GALNT13: variants seen among roughly 807,000 people sequenced by gnomAD.
GALNT13 encodes polypeptide N-acetylgalactosaminyltransferase 13, also known as UDP-GalNAc:polypeptide N-acetylgalactosaminyltransferase 13.
In GALNT13, 28 loss-of-function variants were observed where a neutral mutation model predicts 64.2. The observed-to-expected ratio is 0.44, with a 90% CI of 0.32 to 0.60. The LOEUF is 0.60. GALNT13 is among the 20% of genes least tolerant of loss of function. The pLI, the probability that GALNT13 is intolerant of heterozygous loss-of-function variation, is 0.05. For synonymous variants in GALNT13, 214 were observed against 224.6 expected, an observed-to-expected ratio of 0.95 and a Z score of 0.42; for missense variants, 577 against 669.8, an observed-to-expected ratio of 0.86 and a Z score of 1.53.
chr2:153,723,661 C>G, the GALNT13 span, among the ~76,000 whole-genome samples: 4 of 152,004 alleles, frequency 2.6e-5, no homozygotes, highest in African/African-American at 9.7e-5. Context: ...ACACCAACAA[C>G]AAACAAACAG....
the GALNT13 span, among the ~76,000 whole-genome samples, chr2:153,300,804 T>A: frequency 9.2e-5 from 14 of 152,282 alleles, no homozygotes; most frequent in South Asian, 2.9e-3. Flanking sequence ...GAAAGAGATA[T>A]TGTGCTTGAA....
chr2:153,094,402 G>C, the GALNT13 span, among the ~76,000 whole-genome samples: 1 of 152,130 alleles, frequency 6.6e-6, no homozygotes, highest in Non-Finnish European at 1.5e-5. Flanking sequence ...ACAAACAAAT[G>C]GAAGAACATT....
At chr2:154,383,457 C>T (rs1698370766) in intron 9 of GALNT13, among the ~76,000 whole-genome samples, 2 of 151,876 alleles carry the variant, frequency 1.3e-5, no homozygotes. Context: ...ATTGACTATT[C>T]ATAGTTATTT....
chr2:153,355,051 T>C, the GALNT13 span, among the ~76,000 whole-genome samples: 1 of 152,172 alleles, frequency 6.6e-6, no homozygotes, highest in African/African-American at 2.4e-5. Flanking sequence ...GTGCATTCTC[T>C]AGAGAAGAAT....
At chr2:153,630,762 CATATATATATATATATAT>C in the GALNT13 span, among the ~76,000 whole-genome samples, 9 of 32,136 alleles carry the variant, frequency 2.8e-4, no homozygotes, top group African/African-American at 6.0e-4. Context: ...TTTTAGGCTT[CATATATATATATATATAT>C]ATATATATAT....
the GALNT13 span, among the ~76,000 whole-genome samples, chr2:153,636,647 C>T: frequency 6.6e-6 from 1 of 152,080 alleles, no homozygotes; most frequent in Non-Finnish European, 1.5e-5. Flanking sequence ...CATCAATCAT[C>T]AAAATAGTGC....
At chr2:154,025,714 A>G (rs1023932676) in intron 3 of GALNT13, among the ~76,000 whole-genome samples, 1 of 152,216 alleles carries the variant, frequency 6.6e-6, no homozygotes, top group Non-Finnish European at 1.5e-5. Context: ...AAACATTTTG[A>G]CACAACTAAC....
chr2:153,895,878 G>T (rs1465255244), intron 1 of GALNT13, among the ~76,000 whole-genome samples: 1 of 151,340 alleles, frequency 6.6e-6, no homozygotes, highest in African/African-American at 2.4e-5. Flanking sequence ...CAGAAAATAA[G>T]TAAATGATGG....
chr2:153,596,766 C>G, the GALNT13 span, among the ~76,000 whole-genome samples: 1 of 151,792 alleles, frequency 6.6e-6, no homozygotes, highest in African/African-American at 2.4e-5. Flanking sequence ...AACATATATA[C>G]ACATATGTAT....
chr2:153,549,710 C>T, the GALNT13 span, among the ~76,000 whole-genome samples: 1 of 152,058 alleles, frequency 6.6e-6, no homozygotes, highest in Non-Finnish European at 1.5e-5. Context: ...CCCATGGGCT[C>T]CTGAGAAAAT....
At chr2:153,364,684 T>G in the GALNT13 span, among the ~76,000 whole-genome samples, 2 of 152,008 alleles carry the variant, frequency 1.3e-5, no homozygotes, top group African/African-American at 4.8e-5. Flanking sequence ...AAAAGAGACA[T>G]GAAGGACCTC....
At chr2:153,382,582 G>A in the GALNT13 span, among the ~76,000 whole-genome samples, 1 of 151,828 alleles carries the variant, frequency 6.6e-6, no homozygotes, top group East Asian at 1.9e-4. Context: ...CTATTAATGG[G>A]CACCTAGATT....
In GALNT13 at chr2:154,424,034, T is replaced by A. The variant is rs886614684; in HGVS notation, c.1396-14558T>A. On this transcript the variant is annotated intron_variant, in intron 11 of 12. Transcript: ENST00000392825. Reference sequence around the variant, plus strand: ...GAGAGATATTCTATAAAGTGCCTGATAAGTATTTCTCAAAACCATCATCAA... The same window carrying A: ...GAGAGATATTCTATAAAGTGCCTGAAAAGTATTTCTCAAAACCATCATCAA... 9.9e-5 allele frequency among the ~76,000 whole-genome samples: 15 copies of A among 152,278 alleles called. 1 individual carries two copies. The highest frequency in any genetic ancestry group is 9.2e-4 in the Admixed American group (14 of 15,290).
chr2:153,467,643 C>T, the GALNT13 span, among the ~76,000 whole-genome samples: 5 of 152,058 alleles, frequency 3.3e-5, no homozygotes, highest in Non-Finnish European at 5.9e-5. Context: ...TCTAGAATTA[C>T]ATCACTCTGA....
At chr2:153,310,505 G>A in the GALNT13 span, among the ~76,000 whole-genome samples, 1 of 151,950 alleles carries the variant, frequency 6.6e-6, no homozygotes, top group African/African-American at 2.4e-5. Flanking sequence ...CAATGAGAAG[G>A]TGAAGACCTT....
intron 3 of GALNT13, among the ~76,000 whole-genome samples, chr2:154,078,907 T>C (rs1357852008): frequency 2.6e-5 from 4 of 151,628 alleles, no homozygotes; most frequent in African/African-American, 9.7e-5. Flanking sequence ...AATTCAAGTA[T>C]AACATGAAGA....
the GALNT13 span, among the ~76,000 whole-genome samples, chr2:153,664,862 C>T: frequency 2.0e-5 from 3 of 152,296 alleles, no homozygotes; most frequent in African/African-American, 7.2e-5. Flanking sequence ...CCCCTGCCAA[C>T]ATCTGACTGC....
chr2:153,430,448 C>G, the GALNT13 span, among the ~76,000 whole-genome samples: 1 of 151,178 alleles, frequency 6.6e-6, no homozygotes, highest in Admixed American at 6.6e-5. Flanking sequence ...GTGGTGTATT[C>G]TTTTAAGATT....
intron 4 of GALNT13, among the ~76,000 whole-genome samples, chr2:154,154,165 TA>T (rs1684257264): frequency 6.6e-6 from 1 of 152,222 alleles, no homozygotes. Context: ...CTCAATTATT[TA>T]AACCTCAGCA....
Sources: gnomAD v4.1 joint callset for allele counts (sites outside exome capture counted in the v4.1 genomes callset) on GRCh38, gnomAD v4.1.1 for gene constraint, MANE v1.5 for transcripts, NCBI Gene and HGNC (gene_info 2026-07-23, HGNC 2026-07-21) for gene names.